The following MAP3K9 variants were observed in gnomAD, a reference collection of about 807,000 sequenced individuals.
MAP3K9 encodes mixed lineage kinase 1 (tyr and ser/thr specificity).
A neutral mutation model predicts 95.8 loss-of-function variants in MAP3K9; 46 were observed. That is an observed-to-expected ratio of 0.48 (90% CI 0.38 to 0.61). The LOEUF (loss-of-function observed/expected upper bound fraction) is 0.61. MAP3K9 is among the 20% of genes least tolerant of loss of function. The probability of loss-of-function intolerance (pLI) is 0.00; values close to 1 mark genes in which losing one functional copy is unlikely to be tolerated. For missense variants in MAP3K9, 1,296 were observed against 1,474.3 expected (o/e 0.88, Z 1.98); for synonymous variants, 533 against 593.8 (o/e 0.90, Z 1.49).
In MAP3K9 at chr14:70,736,016, G is replaced by A. The variant is rs781580404; in HGVS notation, c.1858C>T (p.Arg620Cys). 30 of 1,611,782 alleles carry A rather than the reference G, an allele frequency of 1.9e-5. No homozygotes were observed. The highest frequency in any genetic ancestry group is 1.6e-4 in the Middle Eastern group (1 of 6,078). The change falls in exon 9 of 12, where the codon CGT (arginine) becomes TGT (cysteine). Residue 620 changes from arginine to cysteine, a missense_variant. Around this residue, in one of 5 missense-constraint regions of MAP3K9, gnomAD observed 377 missense variants for 417.1 expected, o/e 0.90. Transcript: ENST00000554752. ...ASGDEGSPQR[R>C]EKANGLSTPS... ...GTACTTAAACCATTAGCTTTCTCACGTCTCTGAGGGGATCTTCAATGAATA... is the reference window on the plus strand; with the variant it reads ...GTACTTAAACCATTAGCTTTCTCACATCTCTGAGGGGATCTTCAATGAATA...
intron 2 of MAP3K9, among the ~76,000 whole-genome samples, chr14:70,791,703 A>C (rs1041010536): frequency 6.6e-6 from 1 of 152,216 alleles, no homozygotes; most frequent in African/African-American, 2.4e-5. Flanking sequence ...ACTTCCTCAG[A>C]GAATTCTCCA....
In MAP3K9 at chr14:70,745,511, G is replaced by T. The variant is rs137857974; in HGVS notation, c.1327-2920C>A. On this transcript the variant is annotated intron_variant, in intron 5 of 11. Coordinates refer to ENST00000554752, the MANE Select transcript of MAP3K9 (RefSeq NM_001284230.2). ...CCAGCACTTTGGGAGTCCGAGGCAG[G>T]CGGATCACCTGAGATTGGGAATTTG... is the stretch of plus-strand genomic sequence containing the variant. Among the ~76,000 whole-genome samples the T allele has an allele frequency of 9.3e-3, 1,415 of 152,308 alleles. 8 individuals are homozygous for T. Among genetic ancestry groups the T allele is most frequent in the African/African-American group, 0.025 (1,035 of 41,560 alleles).
At chr14:70,778,237 A>G (rs528062636) in intron 2 of MAP3K9, among the ~76,000 whole-genome samples, 4 of 150,676 alleles carry the variant, frequency 2.7e-5, no homozygotes, top group African/African-American at 7.3e-5. Context: ...CAGCCTCCCA[A>G]GTAGCCTCAA....
At position 70,729,147 on chromosome 14, in the gene MAP3K9, G is replaced by T. The variant is rs1173228083; in HGVS notation, c.*1233C>A. On this transcript the variant is annotated 3_prime_UTR_variant, in exon 12 of 12. Transcript: ENST00000554752. ...GCCTTGGTCAGTTTTCAGTATGGGGGACCTCAAGGTTATTGTACATCAGCG... is the reference window on the plus strand; with the variant it reads ...GCCTTGGTCAGTTTTCAGTATGGGGTACCTCAAGGTTATTGTACATCAGCG... 3 of 152,218 alleles carry T rather than the reference G, an allele frequency of 2.0e-5. No individual in the cohort carries two copies. The highest frequency in any genetic ancestry group is 1.3e-4 in the Admixed American group (2 of 15,268). 9.4% of individuals were successfully genotyped at this position (152,218 alleles called of 1,614,324 possible).
At chr14:70,791,411 C>T (rs1250102779) in intron 2 of MAP3K9, among the ~76,000 whole-genome samples, 7 of 152,162 alleles carry the variant, frequency 4.6e-5, no homozygotes, top group East Asian at 1.9e-4. Flanking sequence ...AGAACCTCCA[C>T]GGTGATGAAA....
chr14:70,784,385 G>C (rs575343966), intron 2 of MAP3K9, among the ~76,000 whole-genome samples: 3 of 152,100 alleles, frequency 2.0e-5, no homozygotes, highest in East Asian at 1.9e-4. Flanking sequence ...AAGCTTCTGC[G>C]ATGGCCCAAC....
intron 2 of MAP3K9, among the ~76,000 whole-genome samples, chr14:70,764,435 C>A (rs958092734): frequency 2.2e-5 from 3 of 138,372 alleles, no homozygotes; most frequent in Non-Finnish European, 4.7e-5. Flanking sequence ...ACAACAACAA[C>A]AAAAAATGTA....
intron 3 of MAP3K9, among the ~76,000 whole-genome samples, chr14:70,755,105 C>G (rs2054281034): frequency 6.6e-6 from 1 of 152,204 alleles, no homozygotes; most frequent in African/African-American, 2.4e-5. Context: ...GCAGAGGCCC[C>G]CAGCTCTGGA....
At chr14:70,756,434 A>G (rs926416693) in intron 3 of MAP3K9, among the ~76,000 whole-genome samples, 6 of 152,208 alleles carry the variant, frequency 3.9e-5, no homozygotes, top group African/African-American at 1.4e-4. Context: ...TGAGTGTGAC[A>G]AGTGGCTGCT....
intron 11 of MAP3K9, among the ~76,000 whole-genome samples, chr14:70,732,203 G>A (rs558611799): frequency 6.6e-6 from 1 of 152,290 alleles, no homozygotes; most frequent in South Asian, 2.1e-4. Context: ...GGAATAACTA[G>A]AAGCTAGACT....
Position 70,730,426 on chromosome 14 carries a change from G to T in MAP3K9, c.3269C>A (p.Thr1090Lys), listed in dbSNP as rs1411795797. ...TVPLCRAELNTHRPAPYEIQQ... is the reference protein window; with the variant it reads ...TVPLCRAELNKHRPAPYEIQQ... The stretch of plus-strand genomic sequence containing the variant: ...GATCTCATAAGGGGCAGGCCTGTGT[G>T]TGTTCAGTTCCGCTCTGCACAGCGG... The change falls in exon 12 of 12, where the codon ACA (threonine) becomes AAA (lysine). Residue 1090 changes from threonine (T) to lysine (K), a missense_variant. Around this residue, in one of 5 missense-constraint regions of MAP3K9, gnomAD observed 433 missense variants for 441.4 expected, o/e 0.98. Coordinates refer to ENST00000554752, the MANE Select transcript of MAP3K9 (RefSeq NM_001284230.2). 2 of 1,614,048 alleles carry T rather than the reference G, an allele frequency of 1.2e-6. No individual in the cohort carries two copies. Among genetic ancestry groups the T allele is most frequent in the African/African-American group, 2.7e-5 (2 of 74,948 alleles).
chr14:70,790,332 C>A (rs1332763164), intron 2 of MAP3K9, among the ~76,000 whole-genome samples: 1 of 152,222 alleles, frequency 6.6e-6, no homozygotes, highest in Non-Finnish European at 1.5e-5. Flanking sequence ...GGCAGACAAA[C>A]CGTGTAGTCA....
intron 2 of MAP3K9, among the ~76,000 whole-genome samples, chr14:70,789,777 G>A (rs1310672467): frequency 6.6e-6 from 1 of 152,114 alleles, no homozygotes; most frequent in East Asian, 1.9e-4. Context: ...GGAGGGAAAG[G>A]GACATGCAAC....
chr14:70,739,874 G>C, intron 7 of MAP3K9, 168 bp downstream of exon 7: 1 of 1,564,792 alleles, frequency 6.4e-7, no homozygotes, highest in Non-Finnish European at 8.7e-7. Context: ...GAGAGACAAG[G>C]GAGAGGGCTA....
intron 3 of MAP3K9, among the ~76,000 whole-genome samples, chr14:70,751,101 G>A (rs948072541): frequency 6.6e-6 from 1 of 152,142 alleles, no homozygotes; most frequent in African/African-American, 2.4e-5. Context: ...AGACCACATC[G>A]GTAGAACAGA....
At chr14:70,776,147 C>T (rs1270992174) in intron 2 of MAP3K9, among the ~76,000 whole-genome samples, 1 of 152,090 alleles carries the variant, frequency 6.6e-6, no homozygotes, top group Admixed American at 6.6e-5. Flanking sequence ...CAAGATCGCG[C>T]CATTACACTC....
intron 5 of MAP3K9, among the ~76,000 whole-genome samples, chr14:70,745,519 C>G (rs941656389): frequency 2.6e-5 from 4 of 152,106 alleles, no homozygotes; most frequent in African/African-American, 9.7e-5. Context: ...AGGCGGATCA[C>G]CTGAGATTGG....
In MAP3K9 at chr14:70,776,250, T is replaced by TA. The variant is rs1336199761; in HGVS notation, c.821-15069dup. Among the ~76,000 whole-genome samples, 3 of 152,122 alleles carry TA rather than the reference T, an allele frequency of 2.0e-5. No individual in the cohort carries two copies. The East Asian group carries it at 5.8e-4, about 29-fold the overall frequency. On this transcript the variant is annotated intron_variant, in intron 2 of 11. Coordinates refer to ENST00000554752, the MANE Select transcript of MAP3K9 (RefSeq NM_001284230.2). ...CTCACAGACACTCAGGATCAAACTC[T>TA]AATAGCTTGGCAAGGTGTGGTGGCA...
chr14:70,787,787 C>T (rs2054763317), intron 2 of MAP3K9, among the ~76,000 whole-genome samples: 1 of 151,982 alleles, frequency 6.6e-6, no homozygotes, highest in African/African-American at 2.4e-5. Flanking sequence ...GTTTTGAGTC[C>T]ATCCAGAAAG....
Sources: gnomAD v4.1 joint callset for allele counts (sites outside exome capture counted in the v4.1 genomes callset) on GRCh38, gnomAD v4.1.1 for gene constraint, gnomAD v4.1.1 regional missense constraint, MANE v1.5 for transcripts, NCBI Gene and HGNC (gene_info 2026-07-23, HGNC 2026-07-21) for gene names.